The following SMC5 variants were observed in gnomAD, a reference collection of about 807,000 sequenced individuals.
SMC5 encodes structural maintenance of chromosomes protein 5.
A neutral mutation model predicts 148.3 loss-of-function variants in SMC5; 88 were observed. The ratio of observed to expected loss-of-function variants is 0.59; its 90% CI spans 0.50 to 0.71. The LOEUF is 0.71. Among genes scored for constraint, SMC5 ranks in the 30% least tolerant of loss-of-function variants. The probability of loss-of-function intolerance (pLI) is 0.00; values close to 1 mark genes in which losing one functional copy is unlikely to be tolerated. For synonymous variants in SMC5, 421 were observed against 432.8 expected (o/e 0.97, Z 0.34); for missense variants, 1,142 against 1,298.9 (o/e 0.88, Z 1.86).
At chr9:70,267,819 C>A in intron 2 of SMC5, 104 bp from the exon 3 acceptor site, 1 of 973,134 alleles carries the variant, frequency 1.0e-6, no homozygotes, top group Non-Finnish European at 1.6e-6. Context: ...ACAAGTGGTA[C>A]CTGAAAAAAA....
chr9:70,268,473 C>G (rs1056183274), intron 3 of SMC5, among the ~76,000 whole-genome samples: 1 of 147,106 alleles, frequency 6.8e-6, no homozygotes, highest in African/African-American at 2.5e-5. Context: ...AAAAAAAAAA[C>G]TTGTGAGAAT....
At chr9:70,305,626 A>G (rs2035475778) in intron 11 of SMC5, among the ~76,000 whole-genome samples, 1 of 152,256 alleles carries the variant, frequency 6.6e-6, no homozygotes, top group Non-Finnish European at 1.5e-5. Flanking sequence ...AAGTAATTTT[A>G]TCATGTTTTA....
intron 17 of SMC5, among the ~76,000 whole-genome samples, chr9:70,335,102 T>C (rs150814713): frequency 6.6e-6 from 1 of 152,270 alleles, no homozygotes; most frequent in Non-Finnish European, 1.5e-5. Flanking sequence ...TTTGGGAGTT[T>C]AAGGGCTAAA....
In SMC5 at chr9:70,334,135, T is replaced by G. The variant is rs565350124; in HGVS notation, c.2397+9992T>G. On this transcript the variant is annotated intron_variant, in intron 17 of 24. Coordinates refer to ENST00000361138, the MANE Select transcript of SMC5 (RefSeq NM_015110.4). ...TTTATGGTCAGTTGTTGTTGTTTTTTTTTTTTTTTTGACAAAGATGCCCAG... is the reference window on the plus strand; with the variant it reads ...TTTATGGTCAGTTGTTGTTGTTTTTGTTTTTTTTTTGACAAAGATGCCCAG... Among the ~76,000 whole-genome samples, 16 of 151,686 alleles carry G rather than the reference T, an allele frequency of 1.1e-4. No individual in the cohort carries two copies. The South Asian group carries it at 1.2e-3, about 12-fold the overall frequency.
At chr9:70,266,745 CA>C (rs1432125687) in intron 2 of SMC5, among the ~76,000 whole-genome samples, 1 of 152,100 alleles carries the variant, frequency 6.6e-6, no homozygotes, top group East Asian at 1.9e-4. Flanking sequence ...AAAAATTTAA[CA>C]AAAACATACT....
chr9:70,345,142 G>A (rs1302513588), intron 18 of SMC5, among the ~76,000 whole-genome samples: 6 of 149,962 alleles, frequency 4.0e-5, no homozygotes, highest in African/African-American at 9.7e-5. Flanking sequence ...AGAATACATT[G>A]TGTTGTTATA....
intron 15 of SMC5, among the ~76,000 whole-genome samples, chr9:70,322,481 A>G (rs1008738928): frequency 4.6e-5 from 7 of 152,178 alleles, no homozygotes; most frequent in Admixed American, 1.3e-4. Context: ...TCTGTATTTA[A>G]TTCATCCAAA....
At chr9:70,293,965 GA>G (rs1294003245) in intron 8 of SMC5, among the ~76,000 whole-genome samples, 1 of 152,040 alleles carries the variant, frequency 6.6e-6, no homozygotes, top group Non-Finnish European at 1.5e-5. Flanking sequence ...GGTCCTTCGT[GA>G]AAAATTACAC....
chr9:70,318,626 C>A lies in SMC5; in HGVS notation c.1919C>A (p.Ala640Glu). Residue 640 changes from alanine (A) to glutamate (E), a missense_variant, in exon 14 of 25, where the codon GCG (alanine) becomes GAG (glutamate). By Grantham distance (107) the Ala-to-Glu change is moderately radical. This residue lies in a region of SMC5 where 743 missense variants were observed against 835.7 expected (regional missense o/e 0.89). Transcript: ENST00000361138. ...VISSNTSLKV[A>E]QFLTVTVDLE... ...TCTAGTAACACATCTCTAAAAGTAG[C>A]GCAGTTTCTCACTGTCACTGTGGAC... The A allele has an allele frequency of 1.2e-6, 2 of 1,612,532 alleles. No individual in the cohort carries two copies. The highest frequency in any genetic ancestry group is 1.7e-6 in the Non-Finnish European group (2 of 1,179,170).
intron 17 of SMC5, among the ~76,000 whole-genome samples, chr9:70,332,212 T>C (rs544266015): frequency 1.5e-4 from 23 of 152,270 alleles, no homozygotes; most frequent in Non-Finnish European, 2.6e-4. Context: ...CACTGGTTAA[T>C]TCTACCAAGC....
Position 70,350,120 on chromosome 9 carries a change from T to A in SMC5, c.2896T>A (p.Tyr966Asn), listed in dbSNP as rs1564076209. Residue 966 changes from tyrosine to asparagine, a missense_variant, in exon 23 of 25, where the codon TAT becomes AAT. Physicochemically the swap from Tyr to Asn is moderately radical, Grantham distance 143 (BLOSUM62 -2). Around this residue, in one of 5 missense-constraint regions of SMC5, gnomAD observed 743 missense variants for 835.7 expected, o/e 0.89. Coordinates refer to ENST00000361138, the MANE Select transcript of SMC5 (RefSeq NM_015110.4). ...CTTTTTAAATGTTTTATAGGAAGAT[T>A]ATGATAAATATGGAATTCGAATTAG... ...VDLHTENEED[Y>N]DKYGIRIRVK... 1.9e-6 allele frequency: 3 copies of A among 1,597,814 alleles called. No homozygotes were observed. Among genetic ancestry groups the A allele is most frequent in the Non-Finnish European group, 2.6e-6 (3 of 1,171,030 alleles).
chr9:70,315,386 TC>T, intron 12 of SMC5, 59 bp from the exon 13 acceptor site: 1 of 1,268,066 alleles, frequency 7.9e-7, no homozygotes. Flanking sequence ...GCTTATCAAC[TC>T]CCAGATTTTT....
intron 11 of SMC5, among the ~76,000 whole-genome samples, chr9:70,314,008 G>A (rs1165159981): frequency 1.3e-5 from 2 of 152,150 alleles, no homozygotes; most frequent in Non-Finnish European, 2.9e-5. Flanking sequence ...TCCACTTGTT[G>A]CTTTCCTCCA....
At position 70,354,139 on chromosome 9, in the gene SMC5, ATAAATTATG is replaced by A. The variant is rs2036857832; in HGVS notation, c.*1811_*1819del. ...TACATTGAATTTTGAGCTGTGAAGA[ATAAATTATG>A]TATCATTTTAGCATATTAAACAGTA... On this transcript the variant is annotated 3_prime_UTR_variant, in exon 25 of 25. Transcript: ENST00000361138. 6.6e-6 allele frequency: 1 copy of A among 152,260 alleles called. No individual in the cohort carries two copies. Among genetic ancestry groups the A allele is most frequent in the Non-Finnish European group, 1.5e-5 (1 of 68,050 alleles). 9.4% of individuals were successfully genotyped at this position (152,260 alleles called of 1,614,324 possible).
chr9:70,290,757 C>T (rs1340396960), intron 8 of SMC5, among the ~76,000 whole-genome samples: 2 of 152,088 alleles, frequency 1.3e-5, no homozygotes, highest in African/African-American at 2.4e-5. Flanking sequence ...TACGTGTGCT[C>T]ACTGCCAGCA....
chr9:70,332,898 A>T (rs2118726840), intron 17 of SMC5, among the ~76,000 whole-genome samples: 1 of 152,326 alleles, frequency 6.6e-6, no homozygotes, highest in South Asian at 2.1e-4. Context: ...TCATTATAAA[A>T]ACTTCTTGCA....
intron 2 of SMC5, among the ~76,000 whole-genome samples, chr9:70,266,867 C>T (rs2034304765): frequency 6.6e-6 from 1 of 152,154 alleles, no homozygotes; most frequent in Admixed American, 6.5e-5. Flanking sequence ...AGATGTCATT[C>T]CTACATGGAT....
chr9:70,286,369 A>G (rs1231282317), intron 8 of SMC5, 98 bp downstream of exon 8: 2 of 727,618 alleles, frequency 2.7e-6, no homozygotes, highest in Non-Finnish European at 2.4e-6. Context: ...GGGAATGGCC[A>G]AGATCCTCTG....
chr9:70,263,386 T>A (rs2034191542), intron 1 of SMC5, among the ~76,000 whole-genome samples: 1 of 152,208 alleles, frequency 6.6e-6, no homozygotes, highest in South Asian at 2.1e-4. Flanking sequence ...ATTAATTTCT[T>A]AAAATATTAA....
Sources: allele counts gnomAD v4.1 joint callset (sites outside exome capture counted in the v4.1 genomes callset), GRCh38; gene constraint gnomAD v4.1.1; regional missense constraint gnomAD v4.1.1; transcripts MANE v1.5; gene names NCBI Gene and HGNC (gene_info 2026-07-23, HGNC 2026-07-21).